Variants in KIF7 observed in about 807,000 individuals in gnomAD.
KIF7 encodes kinesin family member 7.
In KIF7, 104 loss-of-function variants were observed where a neutral mutation model predicts 135.7. That is an observed-to-expected ratio of 0.77 (90% CI 0.65 to 0.90). KIF7 has a LOEUF of 0.90. KIF7 is among the 40% of genes least tolerant of loss of function. KIF7 has a pLI of 0.00. For synonymous variants in KIF7, 883 were observed against 809.4 expected (o/e 1.09, Z -1.54); for missense variants, 2,005 against 1,839.1 (o/e 1.09, Z -1.65).
chr15:89,649,250 C>A lies in KIF7; in HGVS notation c.647G>T (p.Arg216Leu), dbSNP rs1020469860. The A allele has an allele frequency of 2.0e-5, 30 of 1,534,370 alleles. No homozygotes were observed. Among genetic ancestry groups the A allele is most frequent in the Non-Finnish European group, 2.6e-5 (29 of 1,136,556 alleles). ...GGTCACGGTGAAGACCGTGTGTGAGCGGCTAGACAGGTGGTTGAGGTGCGT... is the reference window on the plus strand; with the variant it reads ...GGTCACGGTGAAGACCGTGTGTGAGAGGCTAGACAGGTGGTTGAGGTGCGT... ...GATHLNHLSS[R>L]SHTVFTVTLE... The change falls in exon 4 of 19, where the codon CGC (arginine) becomes CTC (leucine). Residue 216 changes from arginine (R) to leucine (L), a missense_variant. Coordinates refer to ENST00000394412, the MANE Select transcript of KIF7 (RefSeq NM_198525.3).
rs141097070 is a variant in KIF7 at position 89,633,692 on chromosome 15, G to A, written c.2586C>T (p.Arg862=). The A allele has an allele frequency of 8.7e-5, 140 of 1,606,992 alleles. No homozygotes were observed. The highest frequency in any genetic ancestry group is 4.8e-4 in the African/African-American group (36 of 74,990). ...ACCCTGCCGTGAGCCTGACCTTGAC[G>A]CGGTGCTGCCGCTTGCTCATTTCTG... ...LEAEMSKRQH[R]VKELELKHEQ... is the part of the protein sequence containing the mutation. Residue 862 remains arginine, a synonymous_variant, in exon 12 of 19, where the codon CGC becomes CGT. Transcript: ENST00000394412.
chr15:89,631,530 C>T lies in KIF7; in HGVS notation c.3076G>A (p.Gly1026Ser), dbSNP rs1466628518. The change falls in exon 15 of 19, where the codon GGC becomes AGC. Residue 1026 changes from glycine (G) to serine (S), a missense_variant. Transcript: ENST00000394412. ...AGCAGACTCCCCTGCCTCAGCTTGC[C>T]GTCGATCTCCAGGCGCTGCTTGAGC... ...SLLKQRLEID[G>S]KLRQGSLLSP... 1.1e-5 allele frequency: 17 copies of T among 1,582,788 alleles called. No individual in the cohort carries two copies. The highest frequency in any genetic ancestry group is 1.8e-5 in the Admixed American group (1 of 57,004).
upstream of KIF7, among the ~76,000 whole-genome samples, chr15:89,658,675 C>G (rs2141513828): frequency 6.6e-6 from 1 of 151,862 alleles, no homozygotes; most frequent in South Asian, 2.1e-4. Flanking sequence ...CCAGCCTGGG[C>G]AACACAGCGA....
In KIF7 at chr15:89,628,721, G is replaced by C. The variant is rs1963594414; in HGVS notation, c.3730C>G (p.Leu1244Val). 1 of 1,612,914 alleles carries C rather than the reference G, an allele frequency of 6.2e-7. No homozygotes were observed. Among genetic ancestry groups the C allele is most frequent in the Non-Finnish European group, 8.5e-7 (1 of 1,179,944 alleles). ...GACAGCCAGAGAAGCTCGGGTGCCA[G>C]GTGGAGCTCATCTTCATTTCCAGGA... ...QAPGNEDELHLAPELLWLSPL... is the reference protein window; with the variant it reads ...QAPGNEDELHVAPELLWLSPL... Residue 1244 changes from leucine to valine, a missense_variant, in exon 19 of 19, where the codon CTG becomes GTG. By Grantham distance (32) the Leu-to-Val change is conservative (BLOSUM62 1). Coordinates refer to ENST00000394412, the MANE Select transcript of KIF7 (RefSeq NM_198525.3).
intron 11 of KIF7, among the ~76,000 whole-genome samples, chr15:89,634,782 G>A (rs1963768381): frequency 6.6e-6 from 1 of 152,322 alleles, no homozygotes; most frequent in African/African-American, 2.4e-5. Flanking sequence ...GCTTGCTTAG[G>A]TAAACAAAGC....
chr15:89,646,512 T>C (rs1489231914), intron 7 of KIF7, among the ~76,000 whole-genome samples: 2 of 152,078 alleles, frequency 1.3e-5, no homozygotes, highest in Non-Finnish European at 2.9e-5. Context: ...GTCTGAAAGG[T>C]GATGAGCTCT....
Position 89,648,665 on chromosome 15 carries a change from G to A in KIF7, c.1033C>T (p.Arg345Cys), listed in dbSNP as rs1964065075. The A allele has an allele frequency of 6.5e-7, 1 of 1,535,902 alleles. No homozygotes were observed. The highest frequency in any genetic ancestry group is 8.7e-7 in the Non-Finnish European group (1 of 1,146,336). The part of the protein sequence containing the change: ...ETLNTLNYAS[R>C]AQNIRNRATV... Reference sequence around the variant, plus strand: ...GCGCGGTTGCGGATGTTCTGGGCGCGGCTGGCGTAGTTGAGGGTGTTGAGG... The same window carrying A: ...GCGCGGTTGCGGATGTTCTGGGCGCAGCTGGCGTAGTTGAGGGTGTTGAGG... Residue 345 changes from arginine to cysteine, a missense_variant, in exon 5 of 19, where the codon CGC (arginine) becomes TGC (cysteine). By Grantham distance (180) the Arg-to-Cys change is radical. Coordinates refer to ENST00000394412, the MANE Select transcript of KIF7 (RefSeq NM_198525.3).
chr15:89,625,794 C>G (rs201836679), downstream of KIF7: 3 of 1,588,252 alleles, frequency 1.9e-6, no homozygotes, highest in African/African-American at 4.1e-5. Flanking sequence ...CCGGTGAGTT[C>G]GTTTTTGAAA....
chr15:89,653,826 T>C (rs564228846), intron 1 of KIF7, among the ~76,000 whole-genome samples: 78 of 152,198 alleles, frequency 5.1e-4, no homozygotes, highest in African/African-American at 1.9e-3. Flanking sequence ...CAGGCTGGTC[T>C]TGAACTCCTG....
chr15:89,648,478 G>T lies in KIF7; in HGVS notation c.1220C>A (p.Ala407Asp), dbSNP rs587780375. 595 of 1,044,806 alleles carry T rather than the reference G, an allele frequency of 5.7e-4. 3 individuals are homozygous for T. The African/African-American group carries it at 9.5e-3, about 17-fold the overall frequency. The allele number at this position is 1,044,806 out of a possible 1,614,324, so 64.7% of individuals were successfully genotyped here. A position where few individuals can be genotyped will look rare whatever the true frequency, so the allele number is the denominator to read the frequency against. ...ASAAAAMRLG[A>D]ECARYRACTD... ...GCAGGCCCGGTAGCGCGCGCACTCG[G>T]CGCCCAGGCGCATGGCGGCCGCCGC... Residue 407 changes from alanine to aspartate, a missense_variant, in exon 5 of 19, where the codon GCC becomes GAC. Coordinates refer to ENST00000394412, the MANE Select transcript of KIF7 (RefSeq NM_198525.3).
chr15:89,628,832 C>G (rs1292847880), intron 18 of KIF7, 46 bp from the exon 19 acceptor site: 8 of 1,611,996 alleles, frequency 5.0e-6, no homozygotes, highest in African/African-American at 2.7e-5. Flanking sequence ...GGTGGCAACA[C>G]CTTCCCGAAG....
chr15:89,658,661 G>A (rs1438983900), upstream of KIF7, among the ~76,000 whole-genome samples: 1 of 150,810 alleles, frequency 6.6e-6, no homozygotes, highest in Non-Finnish European at 1.5e-5. Flanking sequence ...TGAAGGGTTG[G>A]AGACCAGCCT....
chr15:89,650,634 C>T (rs759954818), intron 2 of KIF7, among the ~76,000 whole-genome samples: 32 of 152,170 alleles, frequency 2.1e-4, no homozygotes, highest in Admixed American at 1.2e-3. Context: ...CCTCGTGATC[C>T]GCCGGCCTCA....
At chr15:89,646,677 C>T (rs1964018811) in intron 7 of KIF7, among the ~76,000 whole-genome samples, 153 bp downstream of exon 7, 1 of 152,204 alleles carries the variant, frequency 6.6e-6, no homozygotes, top group Non-Finnish European at 1.5e-5. Context: ...CTTGGCTCTT[C>T]CTCTGGGGAC....
chr15:89,659,466 A>AG (rs1555425600), upstream of KIF7, among the ~76,000 whole-genome samples: 1 of 150,642 alleles, frequency 6.6e-6, no homozygotes, highest in African/African-American at 2.5e-5. Flanking sequence ...AAAGAAAGAA[A>AG]AAAGAAAGAA....
chr15:89,623,547 C>T (rs1258698831), downstream of KIF7: 1 of 1,412,814 alleles, frequency 7.1e-7, no homozygotes, highest in Non-Finnish European at 9.6e-7. Context: ...CCCATTTGGT[C>T]TTAGAGATTA....
chr15:89,645,921 GCT>G lies in KIF7; in HGVS notation c.1892_1893del (p.Glu631AlafsTer12). On this transcript the variant is annotated frameshift_variant, in exon 8 of 19. Coordinates refer to ENST00000394412, the MANE Select transcript of KIF7 (RefSeq NM_198525.3). LOFTEE classifies it high-confidence loss of function. ...CGCAGGTGTAAGGTCCGCCTGGGCG[GCT>G]CCTCCTCCTCCTCTTCCTCCTCTGA... Reference protein sequence around the residue: ...AASEEEEEEEEPPRRTLHLRR... With the variant: ...AASEEEEEEEXPPRRTLHLRR... 1 of 1,613,494 alleles carries G rather than the reference GCT, an allele frequency of 6.2e-7. No individual in the cohort carries two copies. The highest frequency in any genetic ancestry group is 8.5e-7 in the Non-Finnish European group (1 of 1,179,932).
intron 1 of KIF7, chr15:89,621,618 C>CAG: frequency 7.3e-7 from 1 of 1,368,534 alleles, no homozygotes; most frequent in Non-Finnish European, 1.0e-6. Flanking sequence ...CCAAGGAACT[C>CAG]AGAGTCCATT....
chr15:89,625,603 T>C (rs1261027021), downstream of KIF7: 7 of 1,613,144 alleles, frequency 4.3e-6, no homozygotes, highest in South Asian at 7.7e-5. Context: ...AGCCTCTTCC[T>C]GGGGACAGTT....
Sources: allele counts gnomAD v4.1 joint callset (sites outside exome capture counted in the v4.1 genomes callset), GRCh38; gene constraint gnomAD v4.1.1; transcripts MANE v1.5; gene names NCBI Gene and HGNC (gene_info 2026-07-23, HGNC 2026-07-21).